ERLIN1: variants seen among roughly 807,000 people sequenced by gnomAD.
ERLIN1 encodes the protein erlin-1.
A neutral mutation model predicts 46.9 loss-of-function variants in ERLIN1; 24 were observed. The observed-to-expected ratio is 0.51, with a 90% CI of 0.37 to 0.72. ERLIN1 has a LOEUF of 0.72. Among genes scored for constraint, ERLIN1 ranks in the 30% least tolerant of loss-of-function variants. ERLIN1 has a pLI of 0.00. For synonymous variants in ERLIN1, 158 were observed against 143.2 expected, an observed-to-expected ratio of 1.10 and a Z score of -0.74; for missense variants, 293 against 417.9, an observed-to-expected ratio of 0.70 and a Z score of 2.61.
intron 4 of ERLIN1, among the ~76,000 whole-genome samples, chr10:100,176,486 G>C (rs565042965): frequency 2.6e-4 from 39 of 152,236 alleles, no homozygotes; most frequent in African/African-American, 9.4e-4. Flanking sequence ...CAAAAGTTTA[G>C]CTAAGAGGTA....
At chr10:100,178,799 G>A (rs1223709450) in intron 3 of ERLIN1, among the ~76,000 whole-genome samples, 1 of 152,174 alleles carries the variant, frequency 6.6e-6, no homozygotes, top group African/African-American at 2.4e-5. Context: ...TATAAAGGAG[G>A]AAACTAAGCT....
chr10:100,170,007 G>C (rs1012083220), intron 6 of ERLIN1, among the ~76,000 whole-genome samples: 1 of 152,146 alleles, frequency 6.6e-6, no homozygotes, highest in Non-Finnish European at 1.5e-5. Flanking sequence ...AACAGAGGGA[G>C]ACCCTGTCTC....
Position 100,185,758 on chromosome 10 carries a change from C to T in ERLIN1, c.-132G>A, listed in dbSNP as rs2274173. ...CAGGCTGAGCCGGGGAGTCCAGTAC[C>T]CCTGTCCCCTCATTCTTCCCTTCTG... is the stretch of plus-strand genomic sequence containing the variant. On this transcript the variant is annotated 5_prime_UTR_variant, in exon 1 of 11. Coordinates refer to ENST00000421367, the MANE Select transcript of ERLIN1 (RefSeq NM_006459.4). 1 of 683,786 alleles carries T rather than the reference C, an allele frequency of 1.5e-6. No homozygotes were observed. The highest frequency in any genetic ancestry group is 2.6e-6 in the Non-Finnish European group (1 of 383,890). 42.4% of individuals were successfully genotyped at this position (683,786 alleles called of 1,614,324 possible). A position where few individuals can be genotyped will look rare whatever the true frequency, so the allele number is the denominator to read the frequency against.
In ERLIN1 at chr10:100,185,428, T is replaced by C. The variant is rs2134192811; in HGVS notation, c.113+86A>G. 7.5e-6 allele frequency: 8 copies of C among 1,062,188 alleles called. No individual in the cohort carries two copies. The East Asian group carries it at 1.7e-4, about 22-fold the overall frequency. The allele number at this position is 1,062,188 out of a possible 1,614,324, so 65.8% of individuals were successfully genotyped here. A position where few individuals can be genotyped will look rare whatever the true frequency, so the allele number is the denominator to read the frequency against. The stretch of plus-strand genomic sequence containing the variant: ...AGATGGGACATGCGCCCCCGAACGT[T>C]GCAGAGGGAACAACTTCCCAGACTC... On this transcript the variant is annotated intron_variant, in intron 1 of 10. Transcript: ENST00000421367.
At chr10:100,177,836 A>G (rs2134168584) in intron 4 of ERLIN1, among the ~76,000 whole-genome samples, 1 of 152,344 alleles carries the variant, frequency 6.6e-6, no homozygotes, top group Non-Finnish European at 1.5e-5. Context: ...CTAACACCCA[A>G]GGAAATTATC....
intron 10 of ERLIN1, among the ~76,000 whole-genome samples, chr10:100,153,211 G>A (rs184344582): frequency 6.6e-6 from 1 of 152,340 alleles, no homozygotes; most frequent in African/African-American, 2.4e-5. Context: ...TAAGCTGCTT[G>A]TGACAGACAG....
At position 100,163,980 on chromosome 10, in the gene ERLIN1, A is replaced by G. The variant is rs773775429; in HGVS notation, c.655+24T>C. The G allele has an allele frequency of 2.7e-6, 4 of 1,462,630 alleles. No individual in the cohort carries two copies. The South Asian group carries it at 3.4e-5, about 13-fold the overall frequency. The allele number at this position is 1,462,630 out of a possible 1,614,324, so 90.6% of individuals were successfully genotyped here. A position where few individuals can be genotyped will look rare whatever the true frequency, so the allele number is the denominator to read the frequency against. ...GGACAAACAAATGTACTTAGAGACAATCATTTCAGAGAAATCCAAGTACCT... is the reference window on the plus strand; with the variant it reads ...GGACAAACAAATGTACTTAGAGACAGTCATTTCAGAGAAATCCAAGTACCT... On this transcript the variant is annotated intron_variant, in intron 8 of 10. Transcript: ENST00000421367.
intron 6 of ERLIN1, among the ~76,000 whole-genome samples, chr10:100,170,906 G>A (rs1490963441): frequency 6.6e-6 from 1 of 152,168 alleles, no homozygotes; most frequent in Non-Finnish European, 1.5e-5. Context: ...AGTATATAAT[G>A]GAATGCAGTA....
In ERLIN1 at chr10:100,159,909, T is replaced by C. The variant is rs191434659; in HGVS notation, c.656-3675A>G. 4.4e-4 allele frequency among the ~76,000 whole-genome samples: 65 copies of C among 146,308 alleles called. 1 individual carries two copies. In the South Asian group the frequency reaches 8.2e-3, roughly 18 times the overall value. The stretch of plus-strand genomic sequence containing the variant: ...GGAAGGAAATATTTTTTAAAAAGTG[T>C]AAATAATATAATTTAAACAAAGTAA... On this transcript the variant is annotated intron_variant, in intron 8 of 10. Coordinates refer to ENST00000421367, the MANE Select transcript of ERLIN1 (RefSeq NM_006459.4).
intron 6 of ERLIN1, among the ~76,000 whole-genome samples, chr10:100,172,859 C>T (rs1380442240): frequency 6.6e-6 from 1 of 152,148 alleles, no homozygotes; most frequent in African/African-American, 2.4e-5. Context: ...GCAAGGAATT[C>T]TAAACAACAG....
At chr10:100,179,177 C>T (rs747654323) in intron 3 of ERLIN1, 24 bp downstream of exon 3, 1 of 1,572,026 alleles carries the variant, frequency 6.4e-7, no homozygotes, top group South Asian at 1.2e-5. Flanking sequence ...TAAAGGGAGG[C>T]TCGTAGGCAA....
chr10:100,167,664 C>A (rs990111627), intron 6 of ERLIN1, among the ~76,000 whole-genome samples: 1 of 152,178 alleles, frequency 6.6e-6, no homozygotes, highest in Admixed American at 6.5e-5. Flanking sequence ...GAGGAAACAA[C>A]TGCCTTATGA....
intron 6 of ERLIN1, among the ~76,000 whole-genome samples, chr10:100,171,471 A>T (rs1221478815): frequency 6.6e-6 from 1 of 152,188 alleles, no homozygotes. Flanking sequence ...TACAGCATGA[A>T]CACAGTTCAC....
At chr10:100,176,895 G>A (rs1844339854) in intron 4 of ERLIN1, among the ~76,000 whole-genome samples, 1 of 152,192 alleles carries the variant, frequency 6.6e-6, no homozygotes, top group Admixed American at 6.5e-5. Context: ...GGCTGAGGTG[G>A]GTGGATCATT....
chr10:100,172,825 A>ATT, intron 6 of ERLIN1, among the ~76,000 whole-genome samples: 1 of 152,364 alleles, frequency 6.6e-6, no homozygotes, highest in South Asian at 2.1e-4. Context: ...AACTGGGAAC[A>ATT]GAAAAATGGC....
intron 2 of ERLIN1, among the ~76,000 whole-genome samples, chr10:100,179,736 C>T (rs1336917897): frequency 3.9e-5 from 6 of 152,142 alleles, no homozygotes; most frequent in Admixed American, 6.5e-5. Context: ...GGATTACAGG[C>T]GTGAGCCACT....
At chr10:100,160,570 T>C (rs924988699) in intron 8 of ERLIN1, among the ~76,000 whole-genome samples, 3 of 152,198 alleles carry the variant, frequency 2.0e-5, no homozygotes, top group African/African-American at 7.2e-5. Flanking sequence ...ACCAAGTGGA[T>C]TGTTTGTCCC....
intron 4 of ERLIN1, 113 bp downstream of exon 4, chr10:100,178,020 G>T: frequency 1.4e-6 from 1 of 703,956 alleles, no homozygotes; most frequent in Non-Finnish European, 2.4e-6. Context: ...TTATTAATCA[G>T]TGATCAATGA....
At chr10:100,166,728 C>T (rs1353064000) in intron 7 of ERLIN1, among the ~76,000 whole-genome samples, 4 of 152,160 alleles carry the variant, frequency 2.6e-5, no homozygotes, top group East Asian at 1.9e-4. Context: ...ACCAGTCATA[C>T]GAAAACAATA....
Sources: allele counts gnomAD v4.1 joint callset (sites outside exome capture counted in the v4.1 genomes callset), GRCh38; gene constraint gnomAD v4.1.1; transcripts MANE v1.5; gene names NCBI Gene and HGNC (gene_info 2026-07-23, HGNC 2026-07-21).